DPF1: variants seen among roughly 807,000 people sequenced by gnomAD.
The protein encoded by DPF1 is double PHD fingers 1.
DPF1 carries 14 observed loss-of-function variants against 58.7 expected under a neutral mutation model. The ratio of observed to expected loss-of-function variants is 0.24; its 90% CI spans 0.16 to 0.37. The LOEUF is 0.37. DPF1 is among the 10% of genes least tolerant of loss of function. The pLI, the probability that DPF1 is intolerant of heterozygous loss-of-function variation, is 1.00. For missense variants in DPF1, 345 were observed against 529.9 expected (o/e 0.65, Z 3.43); for synonymous variants, 216 against 216.0 (o/e 1.00, Z 0.00).
At chr19:38,220,437 C>T (rs1432496707) in intron 3 of DPF1, among the ~76,000 whole-genome samples, 10 of 151,662 alleles carry the variant, frequency 6.6e-5, no homozygotes, top group Admixed American at 2.6e-4. Flanking sequence ...CTGGCTAACA[C>T]GGTGAAACCC....
Position 38,217,780 on chromosome 19 carries a change from C to A in DPF1, c.595+18G>T. 6.2e-7 allele frequency: 1 copy of A among 1,613,958 alleles called. No homozygotes were observed. Among genetic ancestry groups the A allele is most frequent in the Non-Finnish European group, 8.5e-7 (1 of 1,179,954 alleles). On this transcript the variant is annotated intron_variant, in intron 6 of 11. Coordinates refer to ENST00000355526, the MANE Select transcript of DPF1 (RefSeq NM_001135155.3). ...GGCACCCCTCTCTCTGCCTTTCCCCCTCTTCAGAAGGACTCACTATCACAG... is the reference window on the plus strand; with the variant it reads ...GGCACCCCTCTCTCTGCCTTTCCCCATCTTCAGAAGGACTCACTATCACAG...
At chr19:38,218,906 G>A (rs767957250) in intron 4 of DPF1, 25 bp downstream of exon 4, 29 of 1,612,982 alleles carry the variant, frequency 1.8e-5, no homozygotes, top group African/African-American at 5.3e-5. Flanking sequence ...GCCATGCAGC[G>A]GGGGTCCCCC....
At chr19:38,228,462 G>C (rs1025245369), upstream of DPF1, among the ~76,000 whole-genome samples, 1 of 151,888 alleles carries the variant, frequency 6.6e-6, no homozygotes, top group Admixed American at 6.5e-5. Flanking sequence ...CACGGGGTTG[G>C]GGGAAGGGTG....
chr19:38,217,384 C>A (rs554963602), intron 7 of DPF1, 76 bp downstream of exon 7: 5 of 737,526 alleles, frequency 6.8e-6, no homozygotes, highest in East Asian at 4.9e-5. Context: ...AATGCCCCCC[C>A]ACCCCCACCC....
At position 38,222,780 on chromosome 19, in the gene DPF1, CCGG is replaced by C; in HGVS notation, c.30-75_30-73del. ...CACAGGGTCGCCCAGCACCCCTTCC[CCGG>C]CTGCCGGGCCGCCCAGGCTCGGGAG... On this transcript the variant is annotated intron_variant, in intron 1 of 11. Coordinates refer to ENST00000355526, the MANE Select transcript of DPF1 (RefSeq NM_001135155.3). The surrounding 1 kb of genome is among the most constrained non-coding windows in gnomAD (Gnocchi z 4.9). The C allele has an allele frequency of 4.9e-6, 7 of 1,434,078 alleles. No individual in the cohort carries two copies. Among genetic ancestry groups the C allele is most frequent in the Non-Finnish European group, 6.4e-6 (7 of 1,093,694 alleles). 88.8% of individuals were successfully genotyped at this position (1,434,078 alleles called of 1,614,324 possible). A position where few individuals can be genotyped will look rare whatever the true frequency, so the allele number is the denominator to read the frequency against.
chr19:38,213,112 C>T (rs553229420), intron 10 of DPF1, among the ~76,000 whole-genome samples: 2 of 152,042 alleles, frequency 1.3e-5, no homozygotes, highest in African/African-American at 4.8e-5. Flanking sequence ...CTCAGCCTCC[C>T]GAGTAGCTGG....
intron 6 of DPF1, 37 bp downstream of exon 6, chr19:38,217,761 C>CCT (rs1202506771): frequency 6.2e-7 from 1 of 1,612,724 alleles, no homozygotes; most frequent in African/African-American, 1.3e-5. Context: ...TCTGGGCACC[C>CCT]CTCTCTCTGC....
In DPF1 at chr19:38,224,201, G is replaced by T. The variant is rs1247464081; in HGVS notation, c.-59C>A. 10 of 1,360,600 alleles carry T rather than the reference G, an allele frequency of 7.3e-6. No homozygotes were observed. Among genetic ancestry groups the T allele is most frequent in the East Asian group, 2.9e-5 (1 of 34,192 alleles). 84.3% of individuals were successfully genotyped at this position (1,360,600 alleles called of 1,614,324 possible). ...CGCCGGGTCGGTCCTCCCAGCGGTC[G>T]GGCGGGCGCTGAGGCCGCCCATCCA... On this transcript the variant is annotated 5_prime_UTR_variant, in exon 1 of 12. Transcript: ENST00000355526. The surrounding 1 kb of genome is among the most constrained non-coding windows in gnomAD (Gnocchi z 4.5).
chr19:38,222,247 C>T lies in DPF1; in HGVS notation c.298+110G>A. ...CGGGACGCACATGGGCAGACAGACA[C>T]ACAGCCAGCCAGGCAGACACTTGCT... is the stretch of plus-strand genomic sequence containing the variant. On this transcript the variant is annotated intron_variant, in intron 3 of 11. Transcript: ENST00000355526. The surrounding 1 kb of genome is among the most constrained non-coding windows in gnomAD (Gnocchi z 4.9). 1 of 997,546 alleles carries T rather than the reference C, an allele frequency of 1.0e-6. No homozygotes were observed. The highest frequency in any genetic ancestry group is 1.5e-5 in the South Asian group (1 of 67,114). 61.8% of individuals were successfully genotyped at this position (997,546 alleles called of 1,614,324 possible).
chr19:38,212,669 T>C (rs1199215226), intron 10 of DPF1, among the ~76,000 whole-genome samples: 2 of 151,188 alleles, frequency 1.3e-5, no homozygotes, highest in Non-Finnish European at 2.9e-5. Context: ...GGAAGTGCGG[T>C]GGTGCAGTCA....
upstream of DPF1, among the ~76,000 whole-genome samples, chr19:38,226,309 C>T (rs1568642744): frequency 6.8e-6 from 1 of 147,804 alleles, no homozygotes; most frequent in Non-Finnish European, 1.5e-5. Context: ...CCCTTCCCCT[C>T]TTCCACCCGG....
At chr19:38,214,199 A>G (rs914767835) in intron 9 of DPF1, among the ~76,000 whole-genome samples, 1 of 152,044 alleles carries the variant, frequency 6.6e-6, no homozygotes, top group Admixed American at 6.5e-5. Context: ...ACCTTCCACA[A>G]CGGGGTCCCC....
chr19:38,214,597 T>C (rs7255990), intron 9 of DPF1, among the ~76,000 whole-genome samples: 24,044 of 152,106 alleles, frequency 0.16, 4,242 homozygotes, highest in African/African-American at 0.44. Context: ...CAGGTGGTGG[T>C]GTCCGTCACT....
chr19:38,212,471 T>C, intron 10 of DPF1, 110 bp from the exon 11 acceptor site: 1 of 577,452 alleles, frequency 1.7e-6, no homozygotes, highest in Non-Finnish European at 3.1e-6. Context: ...GGTGAGGCCT[T>C]CCGAGAAAGG....
At chr19:38,221,073 GC>G (rs1421432453) in intron 3 of DPF1, among the ~76,000 whole-genome samples, 5 of 152,092 alleles carry the variant, frequency 3.3e-5, no homozygotes, top group Non-Finnish European at 7.4e-5. Context: ...CTCGGGAGGA[GC>G]CGGACACCCT....
chr19:38,216,289 G>A (rs1967012795), intron 8 of DPF1, 30 bp from the exon 9 acceptor site: 2 of 1,612,152 alleles, frequency 1.2e-6, no homozygotes, highest in Non-Finnish European at 1.7e-6. Flanking sequence ...CATTGGCACG[G>A]GGCAGGCAAG....
chr19:38,217,953 C>A, intron 5 of DPF1, 77 bp from the exon 6 acceptor site: 2 of 1,506,602 alleles, frequency 1.3e-6, no homozygotes, highest in Non-Finnish European at 1.8e-6. Flanking sequence ...CCTGTAATCC[C>A]AGCACTTTGG....
intron 7 of DPF1, 91 bp from the exon 8 acceptor site, chr19:38,216,494 C>A: frequency 6.9e-6 from 10 of 1,440,954 alleles, no homozygotes; most frequent in Non-Finnish European, 9.2e-6. Context: ...ACCTCTTAGT[C>A]CAGGCGTGGG....
rs763915054 is a variant in DPF1, at chr19:38,212,095, C to G, written c.1132G>C (p.Glu378Gln). 2 of 1,612,402 alleles carry G rather than the reference C, an allele frequency of 1.2e-6. No individual in the cohort carries two copies. The highest frequency in any genetic ancestry group is 2.2e-5 in the South Asian group (2 of 90,646). The change falls in exon 12 of 12, where the codon GAA becomes CAA. Residue 378 changes from glutamate to glutamine, a missense_variant. By Grantham distance (29) the Glu-to-Gln change is conservative. Transcript: ENST00000355526. Reference sequence around the variant, plus strand: ...AGGGTGATGTAAGCAGAAGCCTTTTCCTTCAGGTGCCGGAGACAGAGGTGA... The same window carrying G: ...AGGGTGATGTAAGCAGAAGCCTTTTGCTTCAGGTGCCGGAGACAGAGGTGA... Reference protein sequence around the residue: ...SCHLCLRHLKEKASAYITLT With the variant: ...SCHLCLRHLKQKASAYITLT
Sources: allele counts gnomAD v4.1 joint callset (sites outside exome capture counted in the v4.1 genomes callset), GRCh38; gene constraint gnomAD v4.1.1; non-coding constraint Gnocchi (gnomAD v3.1); transcripts MANE v1.5; gene names NCBI Gene and HGNC (gene_info 2026-07-23, HGNC 2026-07-21).